Variants in NGEF observed in about 807,000 individuals in gnomAD.
NGEF encodes the protein neuronal guanine nucleotide exchange factor.
NGEF carries 31 observed loss-of-function variants against 80.9 expected under a neutral mutation model. That is an observed-to-expected ratio of 0.38 (90% confidence interval 0.29 to 0.52). The LOEUF is 0.52. Among genes scored for constraint, NGEF ranks in the 20% least tolerant of loss-of-function variants. The probability of loss-of-function intolerance (pLI) is 0.84; values close to 1 mark genes in which losing one functional copy is unlikely to be tolerated. For missense variants in NGEF, 709 were observed against 926.2 expected (o/e 0.77, Z 3.04); for synonymous variants, 371 against 370.2 (o/e 1.00, Z -0.03).
At chr2:232,926,589 C>G (rs1189441451) in intron 4 of NGEF, among the ~76,000 whole-genome samples, 1 of 152,134 alleles carries the variant, frequency 6.6e-6, no homozygotes, top group East Asian at 1.9e-4. Flanking sequence ...CTTCTTGAAT[C>G]GCACCAGGCT....
At chr2:232,988,386 C>T (rs1198733024) in intron 1 of NGEF, among the ~76,000 whole-genome samples, 1 of 152,174 alleles carries the variant, frequency 6.6e-6, no homozygotes, top group Non-Finnish European at 1.5e-5. Context: ...ATTTTCAACC[C>T]TGTGCCTCTT....
intron 1 of NGEF, among the ~76,000 whole-genome samples, chr2:233,004,082 C>T (rs375813019): frequency 1.3e-5 from 2 of 152,176 alleles, no homozygotes; most frequent in African/African-American, 4.8e-5. Flanking sequence ...CAAGCACCCC[C>T]TTGATCTCTG....
rs1691400743 is a variant in NGEF at position 232,879,215 on chromosome 2, C to A, written c.*274G>T. 6 of 355,422 alleles carry A rather than the reference C, an allele frequency of 1.7e-5. No individual in the cohort carries two copies. Among genetic ancestry groups the A allele is most frequent in the Non-Finnish European group, 2.6e-5 (5 of 194,100 alleles). 22.0% of individuals were successfully genotyped at this position (355,422 alleles called of 1,614,324 possible). On this transcript the variant is annotated 3_prime_UTR_variant, in exon 15 of 15. Transcript: ENST00000264051. ...CTGGAGTGTGCCCACCCCCTTCCAC[C>A]CCCTCGGAGGCATGAGGGAGGTGGT... is the stretch of plus-strand genomic sequence containing the variant.
intron 5 of NGEF, among the ~76,000 whole-genome samples, chr2:232,919,174 C>T (rs1331833304): frequency 2.0e-5 from 3 of 152,186 alleles, no homozygotes; most frequent in Non-Finnish European, 2.9e-5. Flanking sequence ...GAACAAGTCA[C>T]AGTTTGGGTC....
chr2:232,883,250 ATC>A (rs1161298484), intron 12 of NGEF, 59 bp downstream of exon 12: 1 of 1,529,150 alleles, frequency 6.5e-7, no homozygotes, highest in African/African-American at 1.4e-5. Context: ...GCCCATAGGC[ATC>A]GAGGCCACAC....
intron 1 of NGEF, among the ~76,000 whole-genome samples, chr2:232,990,530 G>T (rs1345019700): frequency 6.6e-6 from 1 of 152,048 alleles, no homozygotes; most frequent in Non-Finnish European, 1.5e-5. Context: ...AAATTCATCT[G>T]CAGGATAAAC....
chr2:232,969,476 C>CCTT (rs1694140910), intron 3 of NGEF, among the ~76,000 whole-genome samples: 1 of 102,870 alleles, frequency 9.7e-6, no homozygotes, highest in Non-Finnish European at 2.0e-5. Flanking sequence ...CTTCCTTCTT[C>CCTT]CTTCCTTCCT....
intron 3 of NGEF, among the ~76,000 whole-genome samples, chr2:232,929,013 G>GC (rs771121733): frequency 9.1e-4 from 138 of 152,288 alleles, no homozygotes; most frequent in Non-Finnish European, 1.4e-3. Context: ...CTAGCAAGAT[G>GC]CCCCCCGCCT....
rs1356702790 is a variant in NGEF at position 232,974,831 on chromosome 2, T to C, written c.60A>G (p.Gln20=). The C allele has an allele frequency of 8.1e-6, 13 of 1,614,156 alleles. No individual in the cohort carries two copies. Among genetic ancestry groups the C allele is most frequent in the South Asian group, 5.5e-5 (5 of 91,076 alleles). ...TGGCTGGTTCATTATCAGTGTTCCA[T>C]TGATCACTTGCTGATTTCCTCCGGG... is the stretch of plus-strand genomic sequence containing the variant. ...EKTRRKSASD[Q]WNTDNEPAKV... Residue 20 remains glutamine (Q), a synonymous_variant, in exon 2 of 15, where the codon CAA becomes CAG. Coordinates refer to ENST00000264051, the MANE Select transcript of NGEF (RefSeq NM_019850.3).
At chr2:233,009,079 G>A (rs1345256706) in intron 1 of NGEF, among the ~76,000 whole-genome samples, 2 of 152,122 alleles carry the variant, frequency 1.3e-5, no homozygotes, top group African/African-American at 2.4e-5. Flanking sequence ...TTACAGGTGT[G>A]AGCCACCACA....
chr2:232,899,610 TCACACACACATGCTCTCACAGTCACTCA>T (rs1692211884), intron 5 of NGEF, among the ~76,000 whole-genome samples: 1 of 95,756 alleles, frequency 1.0e-5, no homozygotes, highest in African/African-American at 3.2e-5. Flanking sequence ...TCACATTCAC[TCACACACACATGCTCTCACAGTCACTCA>T]TATACACGTT....
chr2:232,931,856 C>A (rs543360452), intron 3 of NGEF, among the ~76,000 whole-genome samples: 2 of 152,188 alleles, frequency 1.3e-5, no homozygotes, highest in Non-Finnish European at 2.9e-5. Context: ...ATTCAGAAAT[C>A]GTCTGGCTGC....
At position 232,888,759 on chromosome 2, in the gene NGEF, G is replaced by A. The variant is rs539941438; in HGVS notation, c.1273-652C>T. Among the ~76,000 whole-genome samples, 9 of 152,320 alleles carry A rather than the reference G, an allele frequency of 5.9e-5. No homozygotes were observed. In the South Asian group the frequency reaches 1.9e-3, roughly 32 times the overall value. ...CCTCTCCTCCCTGGGACTGTCATTT[G>A]GCCCCGAAACTTTGTTAACTTTGGT... On this transcript the variant is annotated intron_variant, in intron 8 of 14. Transcript: ENST00000264051.
At chr2:232,883,599 C>T (rs1691584528) in intron 11 of NGEF, 133 bp from the exon 12 acceptor site, 1 of 950,246 alleles carries the variant, frequency 1.1e-6, no homozygotes, top group Non-Finnish European at 1.5e-6. Flanking sequence ...CTGAAGCTTC[C>T]ACCTGAACGC....
At chr2:232,886,232 C>CTG (rs776651814) in intron 9 of NGEF, among the ~76,000 whole-genome samples, 1 of 80,916 alleles carries the variant, frequency 1.2e-5, no homozygotes, top group Admixed American at 1.2e-4. Flanking sequence ...TAAGTATGTG[C>CTG]TGTGTGTGTG....
At chr2:232,929,882 G>A (rs1267675943) in intron 3 of NGEF, among the ~76,000 whole-genome samples, 1 of 152,180 alleles carries the variant, frequency 6.6e-6, no homozygotes, top group Non-Finnish European at 1.5e-5. Context: ...TGAATCATGG[G>A]GGTGGTTTCC....
intron 3 of NGEF, among the ~76,000 whole-genome samples, chr2:232,952,842 A>ATG (rs1693704368): frequency 1.3e-5 from 2 of 150,974 alleles, no homozygotes; most frequent in Non-Finnish European, 1.5e-5. Context: ...GGTGGCAGTC[A>ATG]CCTGTAATCC....
intron 1 of NGEF, among the ~76,000 whole-genome samples, chr2:232,981,150 C>T (rs1244409103): frequency 3.4e-5 from 4 of 116,464 alleles, no homozygotes; most frequent in East Asian, 5.2e-4. Context: ...CTCCCAAGCA[C>T]CTGGAATTGC....
At chr2:232,993,238 A>AAATAAATATATATATT in intron 1 of NGEF, among the ~76,000 whole-genome samples, 1 of 39,078 alleles carries the variant, frequency 2.6e-5, no homozygotes, top group South Asian at 2.2e-3. Context: ...ATATATATGT[A>AAATAAATATATATATT]TATTTTCAGA....
Sources: allele counts gnomAD v4.1 joint callset (sites outside exome capture counted in the v4.1 genomes callset), GRCh38; gene constraint gnomAD v4.1.1; transcripts MANE v1.5; gene names NCBI Gene and HGNC (gene_info 2026-07-23, HGNC 2026-07-21).